SAMSN1: variants seen among roughly 807,000 people sequenced by gnomAD.
The protein encoded by SAMSN1 is SAM domain-containing protein SAMSN-1.
Under a neutral mutation model 42.0 loss-of-function variants are expected in SAMSN1, and 31 were observed. That is an observed-to-expected ratio of 0.74 (90% CI 0.55 to 1.00). The LOEUF is 1.00. SAMSN1 is among the 50% of genes least tolerant of loss of function. The probability of loss-of-function intolerance (pLI) is 0.00; values close to 1 mark genes in which losing one functional copy is unlikely to be tolerated. For synonymous variants in SAMSN1, 178 were observed against 151.9 expected, an observed-to-expected ratio of 1.17 and a Z score of -1.26; for missense variants, 464 against 439.4, an observed-to-expected ratio of 1.06 and a Z score of -0.50.
chr21:14,577,165 C>T (rs1981498476), intron 2 of SAMSN1, among the ~76,000 whole-genome samples: 1 of 128,282 alleles, frequency 7.8e-6, no homozygotes, highest in Admixed American at 8.7e-5. Context: ...AAGTGATTCT[C>T]CTGCCTCAGC....
chr21:14,485,799 A>T lies in SAMSN1; in HGVS notation c.*113T>A. Reference sequence around the variant, plus strand: ...CAATTATTCAGATTAAAACATTTAAACTTTAGGTTTTATTTACAAATATTT... The same window carrying T: ...CAATTATTCAGATTAAAACATTTAATCTTTAGGTTTTATTTACAAATATTT... On this transcript the variant is annotated 3_prime_UTR_variant, in exon 8 of 8. Coordinates refer to ENST00000400566, the MANE Select transcript of SAMSN1 (RefSeq NM_022136.5). 1 of 812,664 alleles carries T rather than the reference A, an allele frequency of 1.2e-6. No homozygotes were observed. Among genetic ancestry groups the T allele is most frequent in the Non-Finnish European group, 2.0e-6 (1 of 500,432 alleles). 50.3% of individuals were successfully genotyped at this position (812,664 alleles called of 1,614,324 possible).
chr21:14,583,320 C>A, exon 1 of SAMSN1: 2 of 206,706 alleles, frequency 9.7e-6, no homozygotes, highest in Non-Finnish European at 1.9e-5. Context: ...ATGGACATAC[C>A]AATTTGTTAT....
At chr21:14,495,825 C>T (rs780364191) in intron 7 of SAMSN1, 4 of 152,158 alleles carry the variant, frequency 2.6e-5, no homozygotes, top group South Asian at 2.1e-4. Flanking sequence ...CTTGAGAAAG[C>T]CACTTAGCTA....
intron 6 of SAMSN1, among the ~76,000 whole-genome samples, chr21:14,598,831 CA>C (rs1385076442): frequency 7.2e-5 from 11 of 152,262 alleles, no homozygotes; most frequent in African/African-American, 2.2e-4. Context: ...TTACATTCTA[CA>C]AACTTTATCC....
upstream of SAMSN1, chr21:14,583,836 A>C (rs1052845061): frequency 4.4e-6 from 3 of 688,284 alleles, no homozygotes; most frequent in African/African-American, 5.4e-5. Flanking sequence ...TTAAATATAA[A>C]ATATGTTGAG....
chr21:14,621,510 C>T (rs1983005650), intron 2 of SAMSN1, among the ~76,000 whole-genome samples: 1 of 152,182 alleles, frequency 6.6e-6, no homozygotes, highest in Non-Finnish European at 1.5e-5. Context: ...CCACACCTGG[C>T]TCAGAGGATC....
intron 2 of SAMSN1, among the ~76,000 whole-genome samples, chr21:14,620,484 C>T (rs928539268): frequency 6.6e-6 from 1 of 152,182 alleles, no homozygotes; most frequent in Admixed American, 6.5e-5. Flanking sequence ...GTCCATTAAA[C>T]CTCTTTCCTT....
chr21:14,514,216 C>A (rs1044164178), intron 3 of SAMSN1, among the ~76,000 whole-genome samples: 1 of 152,188 alleles, frequency 6.6e-6, no homozygotes, highest in Non-Finnish European at 1.5e-5. Context: ...ATTCTTCTTC[C>A]TTTTCCTCAT....
intron 2 of SAMSN1, among the ~76,000 whole-genome samples, chr21:14,552,735 A>AT (rs1422760249): frequency 6.6e-6 from 1 of 152,158 alleles, no homozygotes; most frequent in African/African-American, 2.4e-5. Flanking sequence ...AGTTACTACC[A>AT]TAAGCACATT....
intron 5 of SAMSN1, among the ~76,000 whole-genome samples, chr21:14,506,356 C>CAG (rs61409412): frequency 0.055 from 8,428 of 151,908 alleles, 714 homozygotes; most frequent in African/African-American, 0.19. Context: ...TGAAATGAAA[C>CAG]GGGGTATTAC....
intron 1 of SAMSN1, among the ~76,000 whole-genome samples, chr21:14,537,296 C>A (rs1979689104): frequency 6.6e-6 from 1 of 152,194 alleles, no homozygotes; most frequent in Admixed American, 6.5e-5. Context: ...CCTTCACTTT[C>A]TTCCAGTCCT....
At chr21:14,607,262 C>G (rs1217927253) in intron 5 of SAMSN1, among the ~76,000 whole-genome samples, 1 of 152,146 alleles carries the variant, frequency 6.6e-6, no homozygotes, top group Non-Finnish European at 1.5e-5. Flanking sequence ...ATGCAATTAA[C>G]AGCTAAAAAG....
exon 2 of SAMSN1, chr21:14,582,402 C>T (rs1032320271): frequency 6.5e-6 from 10 of 1,549,994 alleles, no homozygotes; most frequent in African/African-American, 5.5e-5. Context: ...TCCATTTCTT[C>T]CTTCCTCCTC....
intron 7 of SAMSN1, among the ~76,000 whole-genome samples, chr21:14,492,172 T>C (rs1986719014): frequency 6.6e-6 from 1 of 152,216 alleles, no homozygotes; most frequent in South Asian, 2.1e-4. Context: ...TACTTAGAAC[T>C]GGAATTTCTG....
intron 5 of SAMSN1, among the ~76,000 whole-genome samples, chr21:14,607,771 T>C (rs1244767238): frequency 6.6e-6 from 1 of 152,178 alleles, no homozygotes; most frequent in African/African-American, 2.4e-5. Flanking sequence ...AAGAGAAAGG[T>C]AGTTTTAGGA....
At chr21:14,504,080 C>T (rs1488256902) in intron 5 of SAMSN1, among the ~76,000 whole-genome samples, 2 of 152,162 alleles carry the variant, frequency 1.3e-5, no homozygotes, top group African/African-American at 4.8e-5. Flanking sequence ...GGGAACACCC[C>T]ATGGGACAAA....
At chr21:14,577,106 A>G (rs1408020638) in intron 2 of SAMSN1, among the ~76,000 whole-genome samples, 27 of 110,790 alleles carry the variant, frequency 2.4e-4, no homozygotes, top group African/African-American at 9.9e-4. Flanking sequence ...CTCAGGCTGG[A>G]GTGCAGTCGT....
chr21:14,538,283 A>G (rs1979766501), intron 1 of SAMSN1, among the ~76,000 whole-genome samples: 1 of 152,194 alleles, frequency 6.6e-6, no homozygotes, highest in Non-Finnish European at 1.5e-5. Context: ...GAAAAGGCAA[A>G]CATTCAACAA....
chr21:14,570,051 G>A (rs1981249675), intron 2 of SAMSN1, among the ~76,000 whole-genome samples: 1 of 151,810 alleles, frequency 6.6e-6, no homozygotes, highest in Non-Finnish European at 1.5e-5. Context: ...ATCATTCTGG[G>A]TTCACACAGA....
Sources: gnomAD v4.1 joint callset for allele counts (sites outside exome capture counted in the v4.1 genomes callset) on GRCh38, gnomAD v4.1.1 for gene constraint, MANE v1.5 for transcripts, NCBI Gene and HGNC (gene_info 2026-07-23, HGNC 2026-07-21) for gene names.